Variants in CSMD3 observed in about 807,000 individuals in gnomAD.
CSMD3 encodes CUB and sushi domain-containing protein 3.
CSMD3 carries 177 observed loss-of-function variants against 435.2 expected under a neutral mutation model. The ratio of observed to expected loss-of-function variants is 0.41; its 90% CI spans 0.36 to 0.46. CSMD3 has a LOEUF of 0.46. Among genes scored for constraint, CSMD3 ranks in the 20% least tolerant of loss-of-function variants. The pLI is 0.34. For missense variants in CSMD3, 4,265 were observed against 4,504.6 expected, an observed-to-expected ratio of 0.95 and a Z score of 1.52; for synonymous variants, 1,656 against 1,520.5, an observed-to-expected ratio of 1.09 and a Z score of -2.07.
chr8:113,410,949 G>T lies in CSMD3; in HGVS notation c.178+25728C>A, dbSNP rs2094556547. ...AGAAAGAAAGAAAGAAAGAAAGAAA[G>T]AAAGAGAAGGGAGGGAGGGAGGAAG... On this transcript the variant is annotated intron_variant, in intron 1 of 70. Coordinates refer to ENST00000297405, the MANE Select transcript of CSMD3 (RefSeq NM_198123.2). Among the ~76,000 whole-genome samples the T allele has an allele frequency of 2.4e-5, 3 of 127,488 alleles. No individual in the cohort carries two copies. The South Asian group carries it at 7.5e-4, about 32-fold the overall frequency. 83.6% of individuals were successfully genotyped at this position (127,488 alleles called of 152,430 possible).
At chr8:113,118,326 G>A (rs945482772) in intron 4 of CSMD3, among the ~76,000 whole-genome samples, 1 of 152,132 alleles carries the variant, frequency 6.6e-6, no homozygotes, top group Non-Finnish European at 1.5e-5. Flanking sequence ...GATTAAATAT[G>A]TTTTTTGCTT....
At chr8:112,942,564 T>C (rs1033659057) in intron 9 of CSMD3, among the ~76,000 whole-genome samples, 1 of 151,582 alleles carries the variant, frequency 6.6e-6, no homozygotes, top group African/African-American at 2.4e-5. Flanking sequence ...TTTGCAGCAA[T>C]ATGTATGAAG....
intron 4 of CSMD3, among the ~76,000 whole-genome samples, chr8:113,102,353 T>C (rs1445839128): frequency 6.6e-6 from 1 of 152,174 alleles, no homozygotes; most frequent in African/African-American, 2.4e-5. Flanking sequence ...TTTATTCATT[T>C]TGTCATCTGT....
intron 12 of CSMD3, among the ~76,000 whole-genome samples, chr8:112,805,739 T>G (rs1025460591): frequency 4.6e-5 from 7 of 152,248 alleles, no homozygotes; most frequent in African/African-American, 1.7e-4. Context: ...TAAACAAGTT[T>G]ACATTTCTGT....
At chr8:113,271,425 C>T (rs867859007) in intron 3 of CSMD3, among the ~76,000 whole-genome samples, 25 of 152,264 alleles carry the variant, frequency 1.6e-4, no homozygotes, top group East Asian at 1.4e-3. Context: ...ACTTGGTGCT[C>T]TGCGTCCCAG....
At position 113,189,033 on chromosome 8, in the gene CSMD3, A is replaced by G. The variant is rs572674940; in HGVS notation, c.515-15117T>C. ...TATTTATGAACCTTGAGTTTATTGA[A>G]TATGTCTGATTTCATTCCATTCAAA... On this transcript the variant is annotated intron_variant, in intron 3 of 70. Transcript: ENST00000297405. 2.0e-5 allele frequency among the ~76,000 whole-genome samples: 3 copies of G among 151,992 alleles called. No individual in the cohort carries two copies. In the East Asian group the frequency reaches 5.8e-4, roughly 30 times the overall value.
chr8:113,183,097 G>C (rs1219755518), intron 3 of CSMD3, among the ~76,000 whole-genome samples: 1 of 152,032 alleles, frequency 6.6e-6, no homozygotes, highest in African/African-American at 2.4e-5. Context: ...CCCTGGTCCT[G>C]TTCTCTAGGA....
Position 113,049,129 on chromosome 8 carries a change from C to G in CSMD3, c.918-29950G>C, listed in dbSNP as rs368829819. On this transcript the variant is annotated intron_variant, in intron 5 of 70. Coordinates refer to ENST00000297405, the MANE Select transcript of CSMD3 (RefSeq NM_198123.2). ...TGGTGGGTGCCTGTAATCCCAGCTACTTAGGAGGGTGAGGCAGGAGAATCA... is the reference window on the plus strand; with the variant it reads ...TGGTGGGTGCCTGTAATCCCAGCTAGTTAGGAGGGTGAGGCAGGAGAATCA... Among the ~76,000 whole-genome samples, 95 of 152,206 alleles carry G rather than the reference C, an allele frequency of 6.2e-4. No individual in the cohort carries two copies. The South Asian group carries it at 0.02, about 31-fold the overall frequency.
At chr8:113,387,749 G>A (rs957580372) in intron 1 of CSMD3, among the ~76,000 whole-genome samples, 2 of 151,588 alleles carry the variant, frequency 1.3e-5, no homozygotes, top group Admixed American at 6.6e-5. Context: ...TAAAAAGGAA[G>A]AGAAAGATAA....
chr8:113,259,027 G>T (rs1016943542), intron 3 of CSMD3, among the ~76,000 whole-genome samples: 1 of 152,086 alleles, frequency 6.6e-6, no homozygotes, highest in African/African-American at 2.4e-5. Context: ...AAAAAGACAT[G>T]GAGATGAGAC....
chr8:113,408,174 A>G (rs1223229107), intron 1 of CSMD3, among the ~76,000 whole-genome samples: 3 of 152,140 alleles, frequency 2.0e-5, no homozygotes, highest in Non-Finnish European at 4.4e-5. Flanking sequence ...TATGGGCAAC[A>G]ACATTTCCTA....
intron 1 of CSMD3, among the ~76,000 whole-genome samples, chr8:113,412,252 T>C (rs977810300): frequency 4.6e-5 from 7 of 152,104 alleles, no homozygotes; most frequent in Non-Finnish European, 8.8e-5. Context: ...AAGCAGAAAC[T>C]AAGACATTAC....
intron 12 of CSMD3, among the ~76,000 whole-genome samples, chr8:112,827,500 G>A (rs1357669718): frequency 6.6e-6 from 1 of 151,734 alleles, no homozygotes; most frequent in Non-Finnish European, 1.5e-5. Flanking sequence ...AGGAGAAAAA[G>A]GAAAAGATAT....
At chr8:112,458,497 C>A (rs1304339645) in intron 32 of CSMD3, among the ~76,000 whole-genome samples, 2 of 152,046 alleles carry the variant, frequency 1.3e-5, no homozygotes, top group Admixed American at 1.3e-4. Flanking sequence ...TTCATTAGTA[C>A]ATCACACTAC....
chr8:113,287,869 A>G (rs951568210), intron 2 of CSMD3, among the ~76,000 whole-genome samples: 1 of 151,978 alleles, frequency 6.6e-6, no homozygotes, highest in Non-Finnish European at 1.5e-5. Context: ...AGTGAAGGCT[A>G]TCTTTGACCA....
intron 13 of CSMD3, among the ~76,000 whole-genome samples, chr8:112,791,172 A>T (rs1422026884): frequency 6.6e-6 from 1 of 151,806 alleles, no homozygotes; most frequent in Non-Finnish European, 1.5e-5. Flanking sequence ...AAAATACAAA[A>T]ATTAGCCATG....
intron 32 of CSMD3, among the ~76,000 whole-genome samples, chr8:112,425,170 A>G (rs578200516): frequency 5.6e-4 from 85 of 152,328 alleles, no homozygotes; most frequent in Admixed American, 9.2e-4. Flanking sequence ...GATCATTATC[A>G]TTTATTTTAC....
At chr8:112,690,196 C>A in intron 13 of CSMD3, 146 bp from the exon 14 acceptor site, 1 of 641,744 alleles carries the variant, frequency 1.6e-6, no homozygotes, top group South Asian at 1.9e-5. Context: ...TTTTTTTGGC[C>A]ATTCTTACAG....
At chr8:112,419,985 G>A (rs1325853515) in intron 32 of CSMD3, among the ~76,000 whole-genome samples, 1 of 152,058 alleles carries the variant, frequency 6.6e-6, no homozygotes, top group Non-Finnish European at 1.5e-5. Flanking sequence ...TAGCACTTTT[G>A]TTTTGAACCA....
Sources: allele counts gnomAD v4.1 joint callset (sites outside exome capture counted in the v4.1 genomes callset), GRCh38; gene constraint gnomAD v4.1.1; transcripts MANE v1.5; gene names NCBI Gene and HGNC (gene_info 2026-07-23, HGNC 2026-07-21).